PTPN18: variants seen among roughly 807,000 people sequenced by gnomAD.
PTPN18 encodes the protein protein tyrosine phosphatase non-receptor type 18.
Under a neutral mutation model 65.4 loss-of-function variants are expected in PTPN18, and 65 were observed. The observed-to-expected ratio is 0.99, with a 90% CI of 0.81 to 1.22. The LOEUF (loss-of-function observed/expected upper bound fraction) is 1.22. PTPN18 is among the 50% of genes most tolerant of loss of function. The probability of loss-of-function intolerance (pLI) is 0.00; values close to 1 mark genes in which losing one functional copy is unlikely to be tolerated. For missense variants in PTPN18, 616 were observed against 646.5 expected, an observed-to-expected ratio of 0.95 and a Z score of 0.51; for synonymous variants, 255 against 267.8, an observed-to-expected ratio of 0.95 and a Z score of 0.47.
At chr2:130,361,452 A>AC (rs1359901629) in intron 5 of PTPN18, among the ~76,000 whole-genome samples, 1 of 151,682 alleles carries the variant, frequency 6.6e-6, no homozygotes. Flanking sequence ...ATTTGTTAAT[A>AC]TTTTTTTCTG....
intron 5 of PTPN18, 49 bp downstream of exon 5, chr2:130,359,695 G>A: frequency 6.3e-6 from 10 of 1,593,576 alleles, no homozygotes; most frequent in Non-Finnish European, 8.6e-6. Flanking sequence ...GAGGAGGGAG[G>A]AGGGATCTTG....
At position 130,371,209 on chromosome 2, in the gene PTPN18, C is replaced by CCTT; in HGVS notation, c.935_936insCTT (p.Leu313dup). 1 of 1,608,902 alleles carries CCTT rather than the reference C, an allele frequency of 6.2e-7. No homozygotes were observed. The highest frequency in any genetic ancestry group is 8.5e-7 in the Non-Finnish European group (1 of 1,176,824). ...CCTGTTTTTCTTCAGAATTGTGCCC[C>CCTT]ACTCTACGACGATGCCCTCTTCCTC... On this transcript the variant is annotated inframe_insertion, in exon 12 of 15. Transcript: ENST00000175756.
At chr2:130,363,352 CAGA>C (rs1203667139) in intron 5 of PTPN18, among the ~76,000 whole-genome samples, 1 of 151,858 alleles carries the variant, frequency 6.6e-6, no homozygotes, top group Non-Finnish European at 1.5e-5. Flanking sequence ...GAGGCTGAGG[CAGA>C]AGAATAGCTT....
At chr2:130,368,372 C>G (rs2104945729) in intron 5 of PTPN18, among the ~76,000 whole-genome samples, 1 of 152,304 alleles carries the variant, frequency 6.6e-6, no homozygotes, top group Middle Eastern at 3.4e-3. Context: ...GATGGTTGAT[C>G]AAGTAGCCTT....
chr2:130,357,862 A>C (rs1377225456), intron 1 of PTPN18, among the ~76,000 whole-genome samples: 1 of 151,816 alleles, frequency 6.6e-6, no homozygotes, highest in Non-Finnish European at 1.5e-5. Flanking sequence ...TCTCAAAAAA[A>C]AAAAAAAAAA....
Position 130,374,431 on chromosome 2 carries a change from G to C in PTPN18, c.*1207G>C, listed in dbSNP as rs1680675034. The C allele has an allele frequency of 9.6e-6, 3 of 311,230 alleles. No individual in the cohort carries two copies. Among genetic ancestry groups the C allele is most frequent in the South Asian group, 8.2e-5 (3 of 36,726 alleles). 19.3% of individuals were successfully genotyped at this position (311,230 alleles called of 1,614,324 possible). On this transcript the variant is annotated 3_prime_UTR_variant, in exon 15 of 15. Coordinates refer to ENST00000175756, the MANE Select transcript of PTPN18 (RefSeq NM_014369.4). ...AATCCTCCTGCCTCAGCCTCCCAAA[G>C]TGCTGAGATTACAGGTGTGAGCCAC...
intron 8 of PTPN18, 122 bp downstream of exon 8, chr2:130,370,312 T>G: frequency 5.6e-6 from 8 of 1,420,958 alleles, no homozygotes; most frequent in Non-Finnish European, 7.7e-6. Context: ...TTGCTCACCC[T>G]CCATGGACTG....
In PTPN18 at chr2:130,375,129, T is replaced by C. The variant is rs762461784; in HGVS notation, c.*1905T>C. ...ACTCTCCCAATGCCCCTGCCACTCC[T>C]GTGAGCCTGCTGCTGGTGAGGTCGG... is the stretch of plus-strand genomic sequence containing the variant. On this transcript the variant is annotated 3_prime_UTR_variant, in exon 15 of 15. Coordinates refer to ENST00000175756, the MANE Select transcript of PTPN18 (RefSeq NM_014369.4). 1.4e-4 allele frequency: 24 copies of C among 176,628 alleles called. No individual in the cohort carries two copies. Among genetic ancestry groups the C allele is most frequent in the Non-Finnish European group, 2.4e-4 (20 of 82,788 alleles). The allele number at this position is 176,628 out of a possible 1,614,324, so 10.9% of individuals were successfully genotyped here.
At chr2:130,369,048 TG>T in intron 5 of PTPN18, 84 bp from the exon 6 acceptor site, 1 of 1,166,648 alleles carries the variant, frequency 8.6e-7, no homozygotes, top group Non-Finnish European at 1.3e-6. Context: ...CACGAGCACC[TG>T]GGGTGTCTTG....
rs769299566 is a variant in PTPN18, at chr2:130,370,910, G to A, written c.870G>A (p.Gln290=). 1.9e-6 allele frequency: 3 copies of A among 1,614,116 alleles called. No individual in the cohort carries two copies. The highest frequency in any genetic ancestry group is 1.3e-5 in the African/African-American group (1 of 75,024). The change falls in exon 11 of 15, where the codon CAG becomes CAA. Residue 290 remains glutamine (Q), a synonymous_variant. Transcript: ENST00000175756. ...QYRFLYHTVA[Q]MFCSTLQNAS... ...GGTTCCTGTACCACACGGTGGCTCA[G>A]ATGTTCTGCTCCACACTCCAGAATG...
intron 1 of PTPN18, 100 bp downstream of exon 1, chr2:130,356,300 C>A: frequency 1.2e-6 from 1 of 849,396 alleles, no homozygotes; most frequent in Non-Finnish European, 1.6e-6. Flanking sequence ...GTCTCGGTGT[C>A]CCCGGTGTCT....
rs769352529 is a variant in PTPN18, at chr2:130,370,089, A to G, written c.588A>G (p.Pro196=). The G allele has an allele frequency of 6.2e-7, 1 of 1,614,160 alleles. No homozygotes were observed. Among genetic ancestry groups the G allele is most frequent in the Non-Finnish European group, 8.5e-7 (1 of 1,180,030 alleles). ...ACCAGCTACAGTATATGTCCTGGCC[A>G]GACCGTGGGGTCCCCAGCAGTCCTG... ...SVYQLQYMSW[P]DRGVPSSPDH... is the part of the protein sequence containing the mutation. Residue 196 remains proline, a synonymous_variant, in exon 8 of 15, where the codon CCA becomes CCG. Coordinates refer to ENST00000175756, the MANE Select transcript of PTPN18 (RefSeq NM_014369.4).
Position 130,373,118 on chromosome 2 carries a change from A to C in PTPN18, c.1316-39A>C, listed in dbSNP as rs920331828. The C allele has an allele frequency of 1.9e-6, 3 of 1,556,880 alleles. No homozygotes were observed. Among genetic ancestry groups the C allele is most frequent in the Middle Eastern group, 1.7e-4 (1 of 5,754 alleles). On this transcript the variant is annotated intron_variant, in intron 14 of 14. Transcript: ENST00000175756. The surrounding 1 kb of genome is among the most constrained non-coding windows in gnomAD (Gnocchi z 4.1). Reference sequence around the variant, plus strand: ...ATGTCTGCCAGCTTCCACACACCTCAGCTTCTCCATGAGACCCACGGCACC... The same window carrying C: ...ATGTCTGCCAGCTTCCACACACCTCCGCTTCTCCATGAGACCCACGGCACC...
chr2:130,358,885 G>C lies in PTPN18; in HGVS notation c.112G>C (p.Ala38Pro). 1.9e-6 allele frequency: 3 copies of C among 1,613,304 alleles called. No individual in the cohort carries two copies. The South Asian group carries it at 3.3e-5, about 18-fold the overall frequency. The stretch of plus-strand genomic sequence containing the variant: ...CTACCAGGACATCCAGGCCTGCTCG[G>C]CCGCCTGGAAGGCTGACGGCGTGTG... ...GEFSDIQACS[A>P]AWKADGVCST... Residue 38 changes from alanine (A) to proline (P), a missense_variant, in exon 2 of 15, where the codon GCC becomes CCC. By Grantham distance (27) the Ala-to-Pro change is conservative (BLOSUM62 -1). Around this residue, in one of 3 missense-constraint regions of PTPN18, gnomAD observed 223 missense variants for 210.0 expected, o/e 1.06. Coordinates refer to ENST00000175756, the MANE Select transcript of PTPN18 (RefSeq NM_014369.4).
At chr2:130,372,690 C>T in intron 13 of PTPN18, 183 bp from the exon 14 acceptor site, 1 of 963,084 alleles carries the variant, frequency 1.0e-6, no homozygotes, top group Middle Eastern at 3.4e-4. Context: ...GGCAGGGTTC[C>T]TGGCAATACT....
intron 1 of PTPN18, among the ~76,000 whole-genome samples, chr2:130,357,899 TA>T (rs1338842842): frequency 4.7e-5 from 7 of 149,688 alleles, no homozygotes; most frequent in Non-Finnish European, 8.9e-5. Context: ...TAAACCTAAG[TA>T]ATTTACACAC....
At chr2:130,363,990 G>A (rs1680309061) in intron 5 of PTPN18, among the ~76,000 whole-genome samples, 1 of 151,098 alleles carries the variant, frequency 6.6e-6, no homozygotes, top group Non-Finnish European at 1.5e-5. Context: ...TTGTGAAGTG[G>A]TATGCCATTG....
Position 130,372,946 on chromosome 2 carries a change from A to G in PTPN18, c.1314A>G (p.Leu438=), listed in dbSNP as rs2104957142. 3 of 1,614,002 alleles carry G rather than the reference A, an allele frequency of 1.9e-6. No individual in the cohort carries two copies. Among genetic ancestry groups the G allele is most frequent in the Non-Finnish European group, 2.5e-6 (3 of 1,179,972 alleles). The stretch of plus-strand genomic sequence containing the variant: ...CGGGTGGAGCTCAGACCGGTGGGCT[A>G]GGTAAGTCAGGTAGAGCCTGGGTTG... The part of the protein sequence containing the change: ...DVAGGAQTGG[L]GFNLRIGRPK... The change falls in exon 14 of 15, where the codon CTA becomes CTG. Residue 438 remains leucine, a splice_region_variant and synonymous_variant. Coordinates refer to ENST00000175756, the MANE Select transcript of PTPN18 (RefSeq NM_014369.4).
In PTPN18 at chr2:130,360,374, A is replaced by G. The variant is rs371928100; in HGVS notation, c.414+728A>G. Among the ~76,000 whole-genome samples, 153 of 152,362 alleles carry G rather than the reference A, an allele frequency of 1.0e-3. 3 individuals carry two copies. The South Asian group carries it at 0.03, about 29-fold the overall frequency. The stretch of plus-strand genomic sequence containing the variant: ...TCAATATTGAAGGCTGAAGGCACAT[A>G]GCTTCATGTGGTTTCTACATTCTTG... On this transcript the variant is annotated intron_variant, in intron 5 of 14. Transcript: ENST00000175756.
Sources: gnomAD v4.1 joint callset for allele counts (sites outside exome capture counted in the v4.1 genomes callset) on GRCh38, gnomAD v4.1.1 for gene constraint, gnomAD v4.1.1 regional missense constraint, Gnocchi (gnomAD v3.1) non-coding constraint, MANE v1.5 for transcripts, NCBI Gene and HGNC (gene_info 2026-07-23, HGNC 2026-07-21) for gene names.